OSBPL9: variants seen among roughly 807,000 people sequenced by gnomAD.
OSBPL9 encodes the protein oxysterol-binding protein-related protein 9.
In OSBPL9, 40 loss-of-function variants were observed where a neutral mutation model predicts 106.6. The ratio of observed to expected loss-of-function variants is 0.38; its 90% CI spans 0.29 to 0.49. OSBPL9 has a LOEUF of 0.49. OSBPL9 is among the 20% of genes least tolerant of loss of function. The probability of loss-of-function intolerance (pLI) is 0.97; values close to 1 mark genes in which losing one functional copy is unlikely to be tolerated. For synonymous variants in OSBPL9, 269 were observed against 295.4 expected, an observed-to-expected ratio of 0.91 and a Z score of 0.92; for missense variants, 609 against 887.2, an observed-to-expected ratio of 0.69 and a Z score of 3.98.
At chr1:51,740,156 T>G in intron 4 of OSBPL9, 5 of 1,547,688 alleles carry the variant, frequency 3.2e-6, no homozygotes, top group Non-Finnish European at 4.4e-6. Context: ...AGTACCACAC[T>G]TGCTTTTTTC....
At chr1:51,787,567 AAC>A in intron 23 of OSBPL9, 79 bp downstream of exon 23, 9 of 1,605,738 alleles carry the variant, frequency 5.6e-6, no homozygotes, top group Admixed American at 1.7e-5. Flanking sequence ...TGATGTGCCA[AAC>A]ACTGTTTATA....
At chr1:51,629,396 G>A (rs527677880) in intron 1 of OSBPL9, among the ~76,000 whole-genome samples, 11 of 152,176 alleles carry the variant, frequency 7.2e-5, no homozygotes, top group African/African-American at 1.9e-4. Context: ...GTCATGGGTC[G>A]CTTAACAATG....
the OSBPL9 span, among the ~76,000 whole-genome samples, chr1:51,559,051 G>A: frequency 6.6e-6 from 1 of 152,302 alleles, no homozygotes; most frequent in East Asian, 1.9e-4. Context: ...GTGTTTGGAG[G>A]TGTCAGAACA....
At chr1:51,680,558 G>C (rs1053288831) in intron 3 of OSBPL9, among the ~76,000 whole-genome samples, 7 of 151,944 alleles carry the variant, frequency 4.6e-5, no homozygotes, top group Non-Finnish European at 1.0e-4. Context: ...CTACTAGGGA[G>C]GTTGAGGTGG....
chr1:51,723,777 C>G (rs533058061), intron 4 of OSBPL9, among the ~76,000 whole-genome samples: 53 of 152,280 alleles, frequency 3.5e-4, no homozygotes, highest in African/African-American at 1.3e-3. Context: ...TTGGTTGCTT[C>G]TAAGTTTTGG....
chr1:51,771,324 T>C (rs1673841011), intron 12 of OSBPL9, among the ~76,000 whole-genome samples: 2 of 152,168 alleles, frequency 1.3e-5, no homozygotes, highest in Admixed American at 6.5e-5. Context: ...TTTTTTATTT[T>C]TCCTTTATTT....
Position 51,681,834 on chromosome 1 carries a change from A to C in OSBPL9, c.241+12322A>C, listed in dbSNP as rs1652624506. Among the ~76,000 whole-genome samples, 3 of 152,272 alleles carry C rather than the reference A, an allele frequency of 2.0e-5. No homozygotes were observed. In the South Asian group the frequency reaches 6.2e-4, roughly 32 times the overall value. ...CCTATATACTTTAAACCATCAATAGATTTCTAGATTACTTAAAGTACCTAA... is the reference window on the plus strand; with the variant it reads ...CCTATATACTTTAAACCATCAATAGCTTTCTAGATTACTTAAAGTACCTAA... On this transcript the variant is annotated intron_variant, in intron 3 of 23. Coordinates refer to ENST00000428468, the MANE Select transcript of OSBPL9 (RefSeq NM_024586.6).
At chr1:51,593,432 T>C (rs1466731862) in intron 1 of OSBPL9, among the ~76,000 whole-genome samples, 1 of 152,072 alleles carries the variant, frequency 6.6e-6, no homozygotes, top group Non-Finnish European at 1.5e-5. Flanking sequence ...CTAACCCCCT[T>C]GGTATATGCC....
upstream of OSBPL9, among the ~76,000 whole-genome samples, chr1:51,612,094 A>G (rs1340210995): frequency 6.6e-6 from 1 of 152,204 alleles, no homozygotes; most frequent in African/African-American, 2.4e-5. Flanking sequence ...TCCTCATTTA[A>G]TTCCATTGCT....
intron 1 of OSBPL9, among the ~76,000 whole-genome samples, chr1:51,581,931 C>T (rs75077254): frequency 6.3e-4 from 96 of 152,260 alleles, no homozygotes; most frequent in African/African-American, 1.6e-3. Context: ...AACTATACGA[C>T]GCTCAAGGCT....
At chr1:51,580,846 G>C (rs936529515) in intron 1 of OSBPL9, among the ~76,000 whole-genome samples, 2 of 133,092 alleles carry the variant, frequency 1.5e-5, no homozygotes, top group African/African-American at 5.5e-5. Context: ...ACCGCTCAGA[G>C]ATGACCATTG....
At chr1:51,535,614 T>C in the OSBPL9 span, among the ~76,000 whole-genome samples, 13 of 151,930 alleles carry the variant, frequency 8.6e-5, no homozygotes, top group South Asian at 2.1e-4. Context: ...CTGGAGTGCA[T>C]TGGGCTGATG....
At chr1:51,587,196 C>G (rs773114831) in intron 1 of OSBPL9, among the ~76,000 whole-genome samples, 4 of 152,142 alleles carry the variant, frequency 2.6e-5, no homozygotes, top group Admixed American at 2.6e-4. Flanking sequence ...GAAACCCCAT[C>G]TCTACTAAAA....
the OSBPL9 span, among the ~76,000 whole-genome samples, chr1:51,536,642 T>A: frequency 6.6e-6 from 1 of 152,188 alleles, no homozygotes; most frequent in African/African-American, 2.4e-5. Flanking sequence ...TAGTGTCCTT[T>A]AATCTAGAAT....
chr1:51,587,816 C>A (rs936343233), intron 1 of OSBPL9, among the ~76,000 whole-genome samples: 1 of 152,226 alleles, frequency 6.6e-6, no homozygotes, highest in African/African-American at 2.4e-5. Flanking sequence ...CTGCTGTATT[C>A]ATTTCCTCAG....
At chr1:51,702,527 G>T (rs1418719786) in intron 3 of OSBPL9, among the ~76,000 whole-genome samples, 1 of 152,150 alleles carries the variant, frequency 6.6e-6, no homozygotes, top group Non-Finnish European at 1.5e-5. Flanking sequence ...TGAGTTCATT[G>T]TAGATTCTGG....
the OSBPL9 span, among the ~76,000 whole-genome samples, chr1:51,543,833 T>C: frequency 6.6e-6 from 1 of 152,236 alleles, no homozygotes; most frequent in Non-Finnish European, 1.5e-5. Context: ...CTCAGCACTG[T>C]AGACCTCTTT....
At chr1:51,782,497 A>T in intron 16 of OSBPL9, 62 bp from the exon 17 acceptor site, 1 of 1,466,136 alleles carries the variant, frequency 6.8e-7, no homozygotes, top group South Asian at 1.2e-5. Flanking sequence ...CAATTACCAG[A>T]TTCTCTGAAA....
At chr1:51,558,550 G>A in the OSBPL9 span, among the ~76,000 whole-genome samples, 1 of 151,942 alleles carries the variant, frequency 6.6e-6, no homozygotes, top group African/African-American at 2.4e-5. Flanking sequence ...CTGGTCTTGT[G>A]ACCCCCACCC....
Sources: gnomAD v4.1 joint callset for allele counts (sites outside exome capture counted in the v4.1 genomes callset) on GRCh38, gnomAD v4.1.1 for gene constraint, MANE v1.5 for transcripts, NCBI Gene and HGNC (gene_info 2026-07-23, HGNC 2026-07-21) for gene names.